The following ST6GALNAC3 variants were observed in gnomAD, a reference collection of about 807,000 sequenced individuals.
ST6GALNAC3 encodes ST6 N-acetylgalactosaminide alpha-2,6-sialyltransferase 3, also known as alpha-N-acetylgalactosaminide alpha-2,6-sialyltransferase 3.
ST6GALNAC3 carries 25 observed loss-of-function variants against 32.7 expected under a neutral mutation model. That is an observed-to-expected ratio of 0.76 (90% CI 0.56 to 1.07). ST6GALNAC3 has a LOEUF of 1.07. Among genes scored for constraint, ST6GALNAC3 ranks in the 50% least tolerant of loss-of-function variants. The pLI, the probability that ST6GALNAC3 is intolerant of heterozygous loss-of-function variation, is 0.00. For synonymous variants in ST6GALNAC3, 129 were observed against 133.1 expected (o/e 0.97, Z 0.21); for missense variants, 355 against 382.4 (o/e 0.93, Z 0.60).
chr1:76,151,606 T>C (rs535448895), intron 1 of ST6GALNAC3, among the ~76,000 whole-genome samples: 12 of 152,292 alleles, frequency 7.9e-5, no homozygotes, highest in African/African-American at 2.9e-4. Context: ...TGCAGCTCAG[T>C]TCCACTGGGA....
chr1:76,244,346 G>A (rs1452271343), intron 1 of ST6GALNAC3, among the ~76,000 whole-genome samples: 4 of 152,110 alleles, frequency 2.6e-5, no homozygotes, highest in Non-Finnish European at 5.9e-5. Flanking sequence ...GGAGTTTTTG[G>A]GGTGAGATGA....
chr1:76,118,665 A>G (rs1648648774), intron 1 of ST6GALNAC3, among the ~76,000 whole-genome samples: 1 of 152,222 alleles, frequency 6.6e-6, no homozygotes, highest in African/African-American at 2.4e-5. Context: ...CAAAAGGTAC[A>G]GTTAGAGACT....
intron 3 of ST6GALNAC3, among the ~76,000 whole-genome samples, chr1:76,416,896 G>A (rs557407581): frequency 2.6e-5 from 4 of 152,142 alleles, no homozygotes; most frequent in African/African-American, 9.6e-5. Flanking sequence ...AAAGTGCTGG[G>A]ATTACAGGCG....
At chr1:76,535,446 C>T (rs1400002560) in intron 3 of ST6GALNAC3, among the ~76,000 whole-genome samples, 1 of 151,934 alleles carries the variant, frequency 6.6e-6, no homozygotes, top group Non-Finnish European at 1.5e-5. Flanking sequence ...ATTTTTTTCC[C>T]CAGGTAATGG....
At chr1:76,502,677 C>G (rs574876324) in intron 3 of ST6GALNAC3, among the ~76,000 whole-genome samples, 21 of 152,110 alleles carry the variant, frequency 1.4e-4, no homozygotes, top group Non-Finnish European at 2.6e-4. Context: ...CTATAAAGAC[C>G]CTATCTCCAC....
chr1:76,609,195 A>G (rs1647760027), intron 3 of ST6GALNAC3, among the ~76,000 whole-genome samples: 2 of 152,142 alleles, frequency 1.3e-5, no homozygotes, highest in South Asian at 4.1e-4. Context: ...ATAAACAATT[A>G]TTTCATCTAG....
chr1:76,143,046 G>A (rs1322608049), intron 1 of ST6GALNAC3, among the ~76,000 whole-genome samples: 1 of 152,194 alleles, frequency 6.6e-6, no homozygotes, highest in Non-Finnish European at 1.5e-5. Flanking sequence ...GCCTGAGACA[G>A]CAACATAGTG....
intron 1 of ST6GALNAC3, among the ~76,000 whole-genome samples, chr1:76,132,912 G>GT: frequency 6.6e-6 from 1 of 152,174 alleles, no homozygotes; most frequent in Non-Finnish European, 1.5e-5. Context: ...GGCCATAATG[G>GT]TTTTCTGAAC....
At chr1:76,348,428 G>A (rs74775749) in intron 2 of ST6GALNAC3, among the ~76,000 whole-genome samples, 1,535 of 152,274 alleles carry the variant, frequency 0.01, 39 homozygotes, top group Admixed American at 0.045. Context: ...CAACCTTTCT[G>A]AAGTGCTATG....
intron 1 of ST6GALNAC3, among the ~76,000 whole-genome samples, chr1:76,228,618 A>G (rs1050484088): frequency 6.6e-6 from 1 of 152,172 alleles, no homozygotes; most frequent in African/African-American, 2.4e-5. Flanking sequence ...AGAGCTCTAG[A>G]GGAACTATTA....
chr1:76,558,017 C>T (rs866348309), intron 3 of ST6GALNAC3, among the ~76,000 whole-genome samples: 2 of 151,958 alleles, frequency 1.3e-5, no homozygotes, highest in African/African-American at 2.4e-5. Context: ...ATAAATATTT[C>T]CCCAAAAACA....
At chr1:76,559,534 A>T (rs963025266) in intron 3 of ST6GALNAC3, among the ~76,000 whole-genome samples, 1 of 152,188 alleles carries the variant, frequency 6.6e-6, no homozygotes, top group Non-Finnish European at 1.5e-5. Flanking sequence ...ACTTTGTCAA[A>T]ATTAAAAACC....
chr1:76,356,132 C>G (rs1479449688), intron 2 of ST6GALNAC3, among the ~76,000 whole-genome samples: 2 of 152,122 alleles, frequency 1.3e-5, no homozygotes, highest in African/African-American at 4.8e-5. Flanking sequence ...CTCACTCATT[C>G]TGAAAACTTG....
In ST6GALNAC3 at chr1:76,509,973, A is replaced by G. The variant is rs760526172; in HGVS notation, c.623+97556A>G. Among the ~76,000 whole-genome samples, 1 of 152,192 alleles carries G rather than the reference A, an allele frequency of 6.6e-6. No homozygotes were observed. Among genetic ancestry groups the G allele is most frequent in the Non-Finnish European group, 1.5e-5 (1 of 68,028 alleles). On this transcript the variant is annotated intron_variant, in intron 3 of 4. Coordinates refer to ENST00000328299, the MANE Select transcript of ST6GALNAC3 (RefSeq NM_152996.4). The surrounding 1 kb of genome is among the most constrained non-coding windows in gnomAD (Gnocchi z 5.5). ...AGAGTGGGGATATCTTTAGGGAGCTATTATTCTATCTAACACAGGGAAAAA... is the reference window on the plus strand; with the variant it reads ...AGAGTGGGGATATCTTTAGGGAGCTGTTATTCTATCTAACACAGGGAAAAA...
In ST6GALNAC3 at chr1:76,543,883, A is replaced by C. The variant is rs538057028; in HGVS notation, c.624-83569A>C. Among the ~76,000 whole-genome samples, 7 of 152,238 alleles carry C rather than the reference A, an allele frequency of 4.6e-5. No individual in the cohort carries two copies. In the East Asian group the frequency reaches 1.2e-3, roughly 25 times the overall value. ...AGTCCTACAGAGTGGTCAACTTCTT[A>C]TTTTGCTAAGTAAAGATCATTAATT... On this transcript the variant is annotated intron_variant, in intron 3 of 4. Coordinates refer to ENST00000328299, the MANE Select transcript of ST6GALNAC3 (RefSeq NM_152996.4).
At chr1:76,125,761 CT>C (rs1649200117) in intron 1 of ST6GALNAC3, among the ~76,000 whole-genome samples, 1 of 152,116 alleles carries the variant, frequency 6.6e-6, no homozygotes, top group Admixed American at 6.5e-5. Flanking sequence ...GGGGTGATAC[CT>C]TTTGGTTTCC....
At chr1:76,155,774 G>A (rs1169364683) in intron 1 of ST6GALNAC3, among the ~76,000 whole-genome samples, 3 of 152,042 alleles carry the variant, frequency 2.0e-5, no homozygotes, top group South Asian at 2.1e-4. Context: ...ACCGCGCCCG[G>A]CCTCCTATTT....
intron 3 of ST6GALNAC3, among the ~76,000 whole-genome samples, chr1:76,522,297 GT>G (rs1390979270): frequency 6.6e-6 from 1 of 151,966 alleles, no homozygotes; most frequent in Non-Finnish European, 1.5e-5. Flanking sequence ...TATGCTTTTA[GT>G]TTGCTGATTT....
chr1:76,375,805 T>C (rs564435519), intron 2 of ST6GALNAC3, among the ~76,000 whole-genome samples: 1 of 152,368 alleles, frequency 6.6e-6, no homozygotes, highest in South Asian at 2.1e-4. Context: ...TAAAATGGAA[T>C]ACTATGCAGC....
Sources: allele counts gnomAD v4.1 joint callset (sites outside exome capture counted in the v4.1 genomes callset), GRCh38; gene constraint gnomAD v4.1.1; non-coding constraint Gnocchi (gnomAD v3.1); transcripts MANE v1.5; gene names NCBI Gene and HGNC (gene_info 2026-07-23, HGNC 2026-07-21).